ERBB4: variants seen among roughly 807,000 people sequenced by gnomAD.
ERBB4 encodes receptor tyrosine-protein kinase erbB-4.
In ERBB4, 42 loss-of-function variants were observed where a neutral mutation model predicts 158.0. That is an observed-to-expected ratio of 0.27 (90% CI 0.21 to 0.34). The LOEUF (loss-of-function observed/expected upper bound fraction) is 0.34. ERBB4 is among the 10% of genes least tolerant of loss of function. The pLI, the probability that ERBB4 is intolerant of heterozygous loss-of-function variation, is 1.00. For synonymous variants in ERBB4, 583 were observed against 558.7 expected, an observed-to-expected ratio of 1.04 and a Z score of -0.61; for missense variants, 1,333 against 1,624.1, an observed-to-expected ratio of 0.82 and a Z score of 3.08.
At chr2:211,991,351 A>T (rs1286889464) in intron 2 of ERBB4, among the ~76,000 whole-genome samples, 1 of 152,156 alleles carries the variant, frequency 6.6e-6, no homozygotes. Context: ...GTATTTGACC[A>T]ATGACTAAAG....
intron 1 of ERBB4, among the ~76,000 whole-genome samples, chr2:212,185,802 T>C (rs1334377853): frequency 6.6e-6 from 1 of 151,998 alleles, no homozygotes; most frequent in African/African-American, 2.4e-5. Flanking sequence ...GGGAAGAAAG[T>C]TTAATTTACA....
At chr2:211,750,286 A>G (rs1370018645) in intron 5 of ERBB4, among the ~76,000 whole-genome samples, 1 of 152,182 alleles carries the variant, frequency 6.6e-6, no homozygotes, top group African/African-American at 2.4e-5. Context: ...TGAAATAACT[A>G]GTTAATGAAA....
intron 1 of ERBB4, among the ~76,000 whole-genome samples, chr2:212,450,990 G>T (rs1207654517): frequency 1.3e-5 from 2 of 151,976 alleles, no homozygotes; most frequent in African/African-American, 2.4e-5. Context: ...AATTAGCCAG[G>T]TGTAGTGTCA....
chr2:212,025,963 T>C (rs906909088), intron 2 of ERBB4, among the ~76,000 whole-genome samples: 1 of 151,816 alleles, frequency 6.6e-6, no homozygotes, highest in Non-Finnish European at 1.5e-5. Flanking sequence ...TTCTCTTGTT[T>C]GTCAGAGTGG....
intron 1 of ERBB4, among the ~76,000 whole-genome samples, chr2:212,247,623 A>C (rs371652414): frequency 7.2e-5 from 11 of 152,212 alleles, no homozygotes; most frequent in African/African-American, 2.4e-4. Flanking sequence ...AAACCAAAAA[A>C]CTAGTTTGTT....
At chr2:212,487,661 T>C (rs999021836) in intron 1 of ERBB4, among the ~76,000 whole-genome samples, 9 of 152,000 alleles carry the variant, frequency 5.9e-5, no homozygotes, top group Admixed American at 3.3e-4. Flanking sequence ...CCATATTACA[T>C]GCCATCAAAG....
intron 3 of ERBB4, among the ~76,000 whole-genome samples, chr2:211,909,276 C>T (rs969430856): frequency 6.6e-6 from 1 of 151,634 alleles, no homozygotes; most frequent in South Asian, 2.1e-4. Flanking sequence ...TATTCAATTG[C>T]TTTAATATTT....
At chr2:211,963,824 ATTC>A (rs1286626039) in intron 2 of ERBB4, among the ~76,000 whole-genome samples, 2 of 152,200 alleles carry the variant, frequency 1.3e-5, no homozygotes. Flanking sequence ...TATAGGCATA[ATTC>A]TTCTTTAATC....
intron 3 of ERBB4, among the ~76,000 whole-genome samples, chr2:211,939,651 A>T (rs1206883167): frequency 6.6e-6 from 1 of 152,090 alleles, no homozygotes; most frequent in African/African-American, 2.4e-5. Context: ...ATTCCCTCTA[A>T]AATATAGATT....
intron 1 of ERBB4, among the ~76,000 whole-genome samples, chr2:212,133,406 TGTTTTGTTTTG>T (rs2080169177): frequency 1.6e-4 from 9 of 57,356 alleles, no homozygotes; most frequent in African/African-American, 3.2e-4. Flanking sequence ...GTTTTTTTTT[TGTTTTGTTTTG>T]TTTTTGTTTT....
chr2:211,597,864 G>A (rs1361920441), intron 19 of ERBB4, among the ~76,000 whole-genome samples: 8 of 152,016 alleles, frequency 5.3e-5, no homozygotes, highest in Non-Finnish European at 1.2e-4. Context: ...CTTTTTAAGA[G>A]TAACTAAAAT....
intron 1 of ERBB4, among the ~76,000 whole-genome samples, chr2:212,280,931 CCGA>C (rs1381062316): frequency 2.0e-5 from 3 of 151,590 alleles, no homozygotes; most frequent in Non-Finnish European, 3.0e-5. Flanking sequence ...AGACCTAGAT[CCGA>C]GGACTTGACA....
At chr2:212,475,399 A>T (rs1689336264) in intron 1 of ERBB4, among the ~76,000 whole-genome samples, 2 of 152,162 alleles carry the variant, frequency 1.3e-5, no homozygotes, top group Non-Finnish European at 2.9e-5. Flanking sequence ...GTTAGCCTCT[A>T]ATCATGCCAT....
chr2:211,544,673 G>T (rs1446662065), intron 20 of ERBB4, among the ~76,000 whole-genome samples: 1 of 151,994 alleles, frequency 6.6e-6, no homozygotes, highest in Non-Finnish European at 1.5e-5. Context: ...ACTGTGTTAG[G>T]TACTTTGCAT....
At position 212,026,959 on chromosome 2, in the gene ERBB4, TATA is replaced by T. The variant is rs1444489160; in HGVS notation, c.235-79346_235-79344del. ...AAAATAACATACTATTTAATAATGT[TATA>T]ATATTTAGTTGATACTAACAATAAT... is the stretch of plus-strand genomic sequence containing the variant. On this transcript the variant is annotated intron_variant, in intron 2 of 27. Transcript: ENST00000342788. Among the ~76,000 whole-genome samples, 10 of 151,944 alleles carry T rather than the reference TATA, an allele frequency of 6.6e-5. No homozygotes were observed. The South Asian group carries it at 8.3e-4, about 13-fold the overall frequency.
intron 1 of ERBB4, among the ~76,000 whole-genome samples, chr2:212,260,370 A>G (rs753192789): frequency 2.8e-4 from 43 of 152,216 alleles, no homozygotes; most frequent in Non-Finnish European, 3.7e-4. Flanking sequence ...TGTATACTTG[A>G]TTACTGGAGT....
At chr2:211,973,220 G>C (rs879279507) in intron 2 of ERBB4, among the ~76,000 whole-genome samples, 43 of 122,786 alleles carry the variant, frequency 3.5e-4, no homozygotes, top group Non-Finnish European at 6.4e-4. Context: ...TTTCTTTTTT[G>C]AAATGGAGTC....
chr2:211,524,504 A>G (rs1005085138), intron 20 of ERBB4, among the ~76,000 whole-genome samples: 2 of 151,634 alleles, frequency 1.3e-5, no homozygotes, highest in Non-Finnish European at 2.9e-5. Context: ...GGCGGGCTGC[A>G]GGTCCCGAGC....
At chr2:211,860,199 G>T (rs35746469) in intron 3 of ERBB4, among the ~76,000 whole-genome samples, 26,918 of 152,018 alleles carry the variant, frequency 0.18, 2,911 homozygotes, top group South Asian at 0.33. Flanking sequence ...TACCATGATT[G>T]TATGATACTG....
Sources: gnomAD v4.1 joint callset for allele counts (sites outside exome capture counted in the v4.1 genomes callset) on GRCh38, gnomAD v4.1.1 for gene constraint, MANE v1.5 for transcripts, NCBI Gene and HGNC (gene_info 2026-07-23, HGNC 2026-07-21) for gene names.